The following PTPRT variants were observed in gnomAD, a reference collection of about 807,000 sequenced individuals.
PTPRT encodes receptor-type tyrosine-protein phosphatase T.
A neutral mutation model predicts 176.8 loss-of-function variants in PTPRT; 56 were observed. The ratio of observed to expected loss-of-function variants is 0.32; its 90% CI spans 0.26 to 0.40. The LOEUF is 0.40. PTPRT is among the 10% of genes least tolerant of loss of function. The probability of loss-of-function intolerance (pLI) is 1.00; values close to 1 mark genes in which losing one functional copy is unlikely to be tolerated. For missense variants in PTPRT, 1,540 were observed against 1,908.2 expected, an observed-to-expected ratio of 0.81 and a Z score of 3.60; for synonymous variants, 783 against 739.0, an observed-to-expected ratio of 1.06 and a Z score of -0.96.
chr20:42,095,538 T>C (rs1985116415), intron 27 of PTPRT, among the ~76,000 whole-genome samples: 1 of 152,184 alleles, frequency 6.6e-6, no homozygotes, highest in Non-Finnish European at 1.5e-5. Flanking sequence ...TTCAAATGTG[T>C]TCTTCTCCAT....
chr20:42,326,751 G>A (rs1160217234), intron 11 of PTPRT, among the ~76,000 whole-genome samples: 2 of 152,100 alleles, frequency 1.3e-5, no homozygotes, highest in African/African-American at 4.8e-5. Flanking sequence ...CAGAAAGGCT[G>A]AAATCCTGGA....
chr20:42,918,234 G>T (rs1355806838), intron 1 of PTPRT, among the ~76,000 whole-genome samples: 1 of 152,132 alleles, frequency 6.6e-6, no homozygotes, highest in Admixed American at 6.5e-5. Flanking sequence ...GGGCAGAGCT[G>T]CTGTTGGCAG....
intron 3 of PTPRT, among the ~76,000 whole-genome samples, chr20:42,790,991 T>C (rs1476630554): frequency 6.6e-6 from 1 of 152,202 alleles, no homozygotes; most frequent in Non-Finnish European, 1.5e-5. Flanking sequence ...TTTATCTACA[T>C]ATCAGTCTTT....
the PTPRT span, among the ~76,000 whole-genome samples, chr20:42,049,355 A>G: frequency 6.6e-6 from 1 of 152,202 alleles, no homozygotes; most frequent in African/African-American, 2.4e-5. Flanking sequence ...TTAGGGGAAT[A>G]TTGGTCTGGA....
chr20:42,157,415 A>C (rs1004365646), intron 17 of PTPRT, among the ~76,000 whole-genome samples: 1 of 149,606 alleles, frequency 6.7e-6, no homozygotes, highest in African/African-American at 2.5e-5. Flanking sequence ...GCACGATCTC[A>C]GCTCACTGCA....
At chr20:42,363,204 A>T (rs1380670018) in intron 9 of PTPRT, among the ~76,000 whole-genome samples, 1 of 141,744 alleles carries the variant, frequency 7.1e-6, no homozygotes, top group South Asian at 2.3e-4. Flanking sequence ...GTAATCATGG[A>T]CCCACAAGTT....
chr20:42,770,863 G>A (rs766280439), intron 5 of PTPRT, among the ~76,000 whole-genome samples: 4 of 152,180 alleles, frequency 2.6e-5, no homozygotes, highest in Admixed American at 6.5e-5. Flanking sequence ...TTAGGTTTTG[G>A]TCTGGGTTTC....
chr20:42,960,573 G>A (rs147160715), intron 1 of PTPRT, among the ~76,000 whole-genome samples: 256 of 152,190 alleles, frequency 1.7e-3, no homozygotes, highest in African/African-American at 6.0e-3. Context: ...TCATGTAGTC[G>A]CATTAATAGA....
chr20:42,801,361 C>A (rs1204833765), intron 2 of PTPRT, among the ~76,000 whole-genome samples: 1 of 152,172 alleles, frequency 6.6e-6, no homozygotes, highest in Non-Finnish European at 1.5e-5. Flanking sequence ...CTGGCTTTCT[C>A]CCCTGGCTTC....
chr20:42,540,624 A>G (rs1003950236), intron 7 of PTPRT, among the ~76,000 whole-genome samples: 2 of 152,156 alleles, frequency 1.3e-5, no homozygotes, highest in Non-Finnish European at 2.9e-5. Context: ...TCTTGAGTAG[A>G]GCTTTAGATA....
chr20:42,357,759 A>G (rs1600885593), intron 9 of PTPRT, among the ~76,000 whole-genome samples: 1 of 152,072 alleles, frequency 6.6e-6, no homozygotes, highest in Non-Finnish European at 1.5e-5. Context: ...AATTTGTTTT[A>G]AAAAACTAGC....
chr20:43,062,791 T>C (rs1228936897), intron 1 of PTPRT, among the ~76,000 whole-genome samples: 2 of 152,240 alleles, frequency 1.3e-5, no homozygotes, highest in Non-Finnish European at 2.9e-5. Flanking sequence ...GGGAGTTTTC[T>C]ACTATATTGT....
chr20:42,107,538 G>C (rs1178939374), intron 23 of PTPRT, among the ~76,000 whole-genome samples: 1 of 152,230 alleles, frequency 6.6e-6, no homozygotes, highest in African/African-American at 2.4e-5. Context: ...GAGAATCTCA[G>C]ACCAAGTATA....
chr20:42,859,120 A>T (rs1191491264), intron 2 of PTPRT, among the ~76,000 whole-genome samples: 2 of 152,142 alleles, frequency 1.3e-5, no homozygotes, highest in East Asian at 3.9e-4. Context: ...AGAGAAGCAA[A>T]ATGTGACAAC....
chr20:42,646,876 G>A (rs540258570), intron 7 of PTPRT, among the ~76,000 whole-genome samples: 1 of 111,432 alleles, frequency 9.0e-6, no homozygotes, highest in Non-Finnish European at 1.6e-5. Flanking sequence ...CCCAACCTAA[G>A]ACAGCCTTTT....
At chr20:43,116,205 T>C (rs2013052197) in intron 1 of PTPRT, among the ~76,000 whole-genome samples, 1 of 152,078 alleles carries the variant, frequency 6.6e-6, no homozygotes, top group Non-Finnish European at 1.5e-5. Context: ...AAACACAGGA[T>C]CAGCCCTGCA....
At chr20:42,955,459 G>A (rs1453078181) in intron 1 of PTPRT, among the ~76,000 whole-genome samples, 1 of 152,144 alleles carries the variant, frequency 6.6e-6, no homozygotes, top group Non-Finnish European at 1.5e-5. Context: ...GGACAATGTC[G>A]GTTTGGTTCA....
intron 12 of PTPRT, among the ~76,000 whole-genome samples, chr20:42,284,459 T>C (rs1015754701): frequency 2.5e-4 from 38 of 152,070 alleles, no homozygotes; most frequent in African/African-American, 8.9e-4. Flanking sequence ...CTGAAAATTT[T>C]TAGAAATCAT....
At chr20:42,572,358 C>T (rs534241870) in intron 7 of PTPRT, among the ~76,000 whole-genome samples, 12 of 152,260 alleles carry the variant, frequency 7.9e-5, no homozygotes, top group African/African-American at 2.6e-4. Context: ...GAAAACTATC[C>T]CTGCCCTGGC....
Sources: allele counts gnomAD v4.1 joint callset (sites outside exome capture counted in the v4.1 genomes callset), GRCh38; gene constraint gnomAD v4.1.1; transcripts MANE v1.5; gene names NCBI Gene and HGNC (gene_info 2026-07-23, HGNC 2026-07-21).